ZNF365: variants seen among roughly 807,000 people sequenced by gnomAD.
ZNF365 encodes the protein zinc finger protein 365.
A neutral mutation model predicts 35.0 loss-of-function variants in ZNF365; 22 were observed. That is an observed-to-expected ratio of 0.63 (90% CI 0.45 to 0.90). The LOEUF (loss-of-function observed/expected upper bound fraction) is 0.90, where lower values mean the gene tolerates loss of function less well. ZNF365 is among the 40% of genes least tolerant of loss of function. ZNF365 has a pLI of 0.00. For synonymous variants in ZNF365, 188 were observed against 196.2 expected (o/e 0.96, Z 0.35); for missense variants, 448 against 500.3 (o/e 0.90, Z 1.00).
At chr10:62,442,428 C>A (rs1290942410) in intron 3 of ZNF365, among the ~76,000 whole-genome samples, 3 of 152,142 alleles carry the variant, frequency 2.0e-5, no homozygotes, top group Non-Finnish European at 4.4e-5. Flanking sequence ...CTTTAATTAA[C>A]TGTATGCAAA....
At chr10:62,477,073 G>T (rs1186234010) in intron 4 of ZNF365, among the ~76,000 whole-genome samples, 1 of 152,188 alleles carries the variant, frequency 6.6e-6, no homozygotes, top group Non-Finnish European at 1.5e-5. Context: ...CCTGGCATGG[G>T]GGGGATTAAA....
chr10:62,402,933 G>A (rs998881069), downstream of ZNF365, among the ~76,000 whole-genome samples: 32 of 152,134 alleles, frequency 2.1e-4, no homozygotes, highest in African/African-American at 7.7e-4. Flanking sequence ...AAAATTTAGG[G>A]AACTCCATTT....
chr10:62,445,652 G>A (rs1470110698), intron 3 of ZNF365, among the ~76,000 whole-genome samples: 1 of 152,190 alleles, frequency 6.6e-6, no homozygotes, highest in Non-Finnish European at 1.5e-5. Context: ...GCAAGGTGGT[G>A]ATAATTGTGC....
chr10:62,473,731 G>A (rs1343318327), intron 4 of ZNF365, among the ~76,000 whole-genome samples: 8 of 152,120 alleles, frequency 5.3e-5, no homozygotes, highest in Non-Finnish European at 2.9e-5. Flanking sequence ...GTCCCACTGG[G>A]GGTTTGTTAG....
At chr10:62,467,266 T>C (rs1275550034) in intron 4 of ZNF365, among the ~76,000 whole-genome samples, 1 of 152,248 alleles carries the variant, frequency 6.6e-6, no homozygotes, top group East Asian at 1.9e-4. Context: ...CATGATTCAA[T>C]GCTAAAAGTG....
In ZNF365 at chr10:62,376,437, C is replaced by T; in HGVS notation, c.244C>T (p.Pro82Ser). The change falls in exon 2 of 5, where the codon CCG (proline) becomes TCG (serine). Residue 82 changes from proline to serine, a missense_variant. Transcript: ENST00000395254. ...DLVTSSELLKPGKLQSSGNVV... is the reference protein window; with the variant it reads ...DLVTSSELLKSGKLQSSGNVV... ...AGTCACTTCCTCAGAACTCCTGAAA[C>T]CGGGAAAATTGCAGAGCAGTGGCAA... The T allele has an allele frequency of 6.2e-7, 1 of 1,614,164 alleles. No individual in the cohort carries two copies. Among genetic ancestry groups the T allele is most frequent in the South Asian group, 1.1e-5 (1 of 91,092 alleles).
intron 3 of ZNF365, among the ~76,000 whole-genome samples, chr10:62,417,832 A>C (rs1238157092): frequency 6.6e-6 from 1 of 151,988 alleles, no homozygotes; most frequent in Non-Finnish European, 1.5e-5. Flanking sequence ...TTTCTTAAAA[A>C]GACTGACTTT....
At chr10:62,475,351 G>A (rs1319134962) in intron 4 of ZNF365, among the ~76,000 whole-genome samples, 1 of 152,134 alleles carries the variant, frequency 6.6e-6, no homozygotes, top group African/African-American at 2.4e-5. Context: ...GAGCCCAGGA[G>A]TTCAAGGCTG....
intron 3 of ZNF365, among the ~76,000 whole-genome samples, chr10:62,443,112 T>A (rs986661876): frequency 6.6e-6 from 1 of 152,234 alleles, no homozygotes; most frequent in Non-Finnish European, 1.5e-5. Context: ...TTTTTACCAC[T>A]GACCAGTGCC....
rs34591284 is a variant in ZNF365 at position 62,417,665 on chromosome 10, C to CT, written c.924+29100dup. Among the ~76,000 whole-genome samples the CT allele has an allele frequency of 2.1e-3, 323 of 150,396 alleles. 7 individuals are homozygous for CT. The East Asian group carries it at 0.034, about 16-fold the overall frequency. ...AACTTAGAGATCTTTAATCTCCTGT[C>CT]TTTTTTTTTTTAATACTTGGGGAAA... On this transcript the variant is annotated intron_variant, in intron 3 of 4. Coordinates refer to the ZNF365 transcript ENST00000395255.
intron 3 of ZNF365, among the ~76,000 whole-genome samples, chr10:62,408,469 T>A (rs1839936760): frequency 6.6e-6 from 1 of 152,184 alleles, no homozygotes; most frequent in Non-Finnish European, 1.5e-5. Context: ...AGTTTTATTA[T>A]CTTGAGCAAC....
At chr10:62,432,442 T>C (rs1840348725) in intron 3 of ZNF365, among the ~76,000 whole-genome samples, 1 of 152,200 alleles carries the variant, frequency 6.6e-6, no homozygotes, top group Admixed American at 6.5e-5. Flanking sequence ...GCTGCTCCTA[T>C]AGTTTGAGGG....
At chr10:62,374,777 G>A (rs1770552741) in intron 1 of ZNF365, among the ~76,000 whole-genome samples, 1 of 152,190 alleles carries the variant, frequency 6.6e-6, no homozygotes, top group African/African-American at 2.4e-5. Flanking sequence ...ATAAAAGCCT[G>A]CGTGCTCTGG....
intron 3 of ZNF365, among the ~76,000 whole-genome samples, chr10:62,426,149 TTGA>T (rs1840247919): frequency 6.6e-6 from 1 of 151,880 alleles, no homozygotes; most frequent in South Asian, 2.1e-4. Context: ...GCCTACTAGA[TTGA>T]TGATGTCACT....
rs117104630 is a variant in ZNF365, at chr10:62,434,701, A to T, written c.925-25040A>T. Among the ~76,000 whole-genome samples, 6 of 152,336 alleles carry T rather than the reference A, an allele frequency of 3.9e-5. No individual in the cohort carries two copies. In the East Asian group the frequency reaches 1.2e-3, roughly 29 times the overall value. On this transcript the variant is annotated intron_variant, in intron 3 of 4. Transcript: ENST00000395255. ...ACATTTCTCCCCTAAGCAAGGAAGT[A>T]TACTGGAAATCAGAACAAAATTAGT...
intron 3 of ZNF365, among the ~76,000 whole-genome samples, chr10:62,431,873 A>G (rs568374184): frequency 1.3e-5 from 2 of 150,810 alleles, no homozygotes; most frequent in African/African-American, 2.4e-5. Flanking sequence ...TTTTTTTTTT[A>G]AAGTACCCAA....
At chr10:62,444,645 G>T (rs563362537) in intron 3 of ZNF365, among the ~76,000 whole-genome samples, 1 of 152,214 alleles carries the variant, frequency 6.6e-6, no homozygotes, top group South Asian at 2.1e-4. Context: ...TTTCCTGCAT[G>T]GGCCCTGGCA....
In ZNF365 at chr10:62,480,053, C is replaced by T. The variant is rs74886691; in HGVS notation, c.*157C>T. The stretch of plus-strand genomic sequence containing the variant: ...AAACTTGGGCTACTTGGTGACTTTA[C>T]TCACCAGGAGTGGGTTCAGACTCCT... On this transcript the variant is annotated 3_prime_UTR_variant, in exon 5 of 5. Transcript: ENST00000395255. 2.3e-3 allele frequency: 3,100 copies of T among 1,370,764 alleles called. 46 individuals are homozygous for T. The Admixed American group carries it at 0.03, about 13-fold the overall frequency. 84.9% of individuals were successfully genotyped at this position (1,370,764 alleles called of 1,614,324 possible). A position where few individuals can be genotyped will look rare whatever the true frequency, so the allele number is the denominator to read the frequency against.
At chr10:62,468,691 G>A (rs776875599) in intron 4 of ZNF365, among the ~76,000 whole-genome samples, 10 of 152,136 alleles carry the variant, frequency 6.6e-5, no homozygotes, top group Non-Finnish European at 1.0e-4. Context: ...AGCCTTCAGC[G>A]GCAGACCATC....
Sources: allele counts gnomAD v4.1 joint callset (sites outside exome capture counted in the v4.1 genomes callset), GRCh38; gene constraint gnomAD v4.1.1; transcripts MANE v1.5; gene names NCBI Gene and HGNC (gene_info 2026-07-23, HGNC 2026-07-21).